Variants in MACROD1 observed in about 807,000 individuals in gnomAD.
MACROD1 encodes mono-ADP ribosylhydrolase 1.
A neutral mutation model predicts 41.4 loss-of-function variants in MACROD1; 31 were observed. That is an observed-to-expected ratio of 0.75 (90% CI 0.56 to 1.01). The LOEUF is 1.01. Among genes scored for constraint, MACROD1 ranks in the 50% least tolerant of loss-of-function variants. MACROD1 has a pLI of 0.00. For synonymous variants in MACROD1, 252 were observed against 203.4 expected (o/e 1.24, Z -2.03); for missense variants, 473 against 460.0 (o/e 1.03, Z -0.26).
chr11:64,116,798 A>C, intron 3 of MACROD1: 1 of 1,613,448 alleles, frequency 6.2e-7, no homozygotes, highest in Non-Finnish European at 8.5e-7. Context: ...CCGACAGCAA[A>C]CAGCTCAAGC....
At chr11:64,021,273 C>T (rs994240295) in intron 3 of MACROD1, among the ~76,000 whole-genome samples, 2 of 152,210 alleles carry the variant, frequency 1.3e-5, no homozygotes, top group African/African-American at 2.4e-5. Flanking sequence ...GGAGGCAGGA[C>T]CTGGGCCGGG....
chr11:64,023,733 G>A (rs997189442), intron 3 of MACROD1, among the ~76,000 whole-genome samples: 2 of 152,048 alleles, frequency 1.3e-5, no homozygotes, highest in African/African-American at 4.8e-5. Flanking sequence ...GTACCTCAGA[G>A]CGGCCTCCTT....
At chr11:64,116,230 C>A in intron 3 of MACROD1, 3 of 1,569,310 alleles carry the variant, frequency 1.9e-6, no homozygotes, top group Non-Finnish European at 2.6e-6. Context: ...TATTCAGGCT[C>A]CAGGCCAGGT....
intron 3 of MACROD1, among the ~76,000 whole-genome samples, chr11:64,107,344 C>A (rs1002766686): frequency 6.6e-6 from 1 of 152,108 alleles, no homozygotes; most frequent in Non-Finnish European, 1.5e-5. Context: ...TTCATCCCCC[C>A]ACCCCCTCCT....
At chr11:64,084,507 G>A (rs191530923) in intron 3 of MACROD1, among the ~76,000 whole-genome samples, 26 of 152,334 alleles carry the variant, frequency 1.7e-4, no homozygotes, top group Middle Eastern at 3.4e-3. Context: ...TTGGGGTCAC[G>A]GGGCCTGGGC....
chr11:64,163,230 G>A (rs1436143667), intron 1 of MACROD1, among the ~76,000 whole-genome samples: 3 of 152,078 alleles, frequency 2.0e-5, no homozygotes, highest in Non-Finnish European at 2.9e-5. Context: ...ACTTGAACCC[G>A]GGAAGCAGAG....
intron 3 of MACROD1, among the ~76,000 whole-genome samples, chr11:64,052,252 G>A (rs1401488150): frequency 6.6e-6 from 1 of 152,064 alleles, no homozygotes. Flanking sequence ...CATTGTCGGG[G>A]TGGGGGAAAA....
intron 3 of MACROD1, among the ~76,000 whole-genome samples, chr11:64,023,559 C>T (rs1943187259): frequency 1.3e-5 from 2 of 152,244 alleles, no homozygotes; most frequent in South Asian, 4.1e-4. Context: ...AGGATTTGAA[C>T]CCCGCTGCTC....
At chr11:64,099,724 A>G (rs1345325840) in intron 3 of MACROD1, among the ~76,000 whole-genome samples, 1 of 150,428 alleles carries the variant, frequency 6.6e-6, no homozygotes, top group Non-Finnish European at 1.5e-5. Context: ...AGATAGATGG[A>G]AGGATGGATG....
Position 64,002,227 on chromosome 11 carries a change from C to A in MACROD1, c.548-1884G>T, listed in dbSNP as rs546083454. On this transcript the variant is annotated intron_variant, in intron 4 of 10. Transcript: ENST00000255681. ...AGCCTCCCGGGTCGAGCACCTGGCA[C>A]CGGCTGCTCGAAGTCTCTGGGGGCT... Among the ~76,000 whole-genome samples the A allele has an allele frequency of 7.2e-5, 11 of 152,330 alleles. No individual in the cohort carries two copies. In the South Asian group the frequency reaches 2.3e-3, roughly 32 times the overall value.
chr11:64,044,877 G>A (rs1389768459), intron 3 of MACROD1, among the ~76,000 whole-genome samples: 1 of 152,174 alleles, frequency 6.6e-6, no homozygotes, highest in Non-Finnish European at 1.5e-5. Context: ...TTCTGCCTTC[G>A]TTTCCTGAGG....
chr11:64,023,447 C>T (rs1943183640), intron 3 of MACROD1, among the ~76,000 whole-genome samples: 1 of 152,126 alleles, frequency 6.6e-6, no homozygotes, highest in African/African-American at 2.4e-5. Context: ...GCCCGTAAAA[C>T]CTACAGCCTC....
intron 3 of MACROD1, among the ~76,000 whole-genome samples, chr11:64,043,154 A>G (rs1031350173): frequency 1.2e-4 from 19 of 152,126 alleles, no homozygotes; most frequent in Non-Finnish European, 2.9e-5. Flanking sequence ...ACGTGCTGAC[A>G]TCCCAGGGTT....
chr11:64,070,610 AGAG>A (rs1040990258), intron 3 of MACROD1, among the ~76,000 whole-genome samples: 1 of 152,150 alleles, frequency 6.6e-6, no homozygotes, highest in Admixed American at 6.5e-5. Flanking sequence ...CCCCCTTCCC[AGAG>A]GAGGAGAAAG....
At chr11:64,019,641 TG>T (rs1224559983) in intron 3 of MACROD1, among the ~76,000 whole-genome samples, 3 of 152,162 alleles carry the variant, frequency 2.0e-5, no homozygotes, top group Non-Finnish European at 4.4e-5. Context: ...CAGTGCCAGT[TG>T]GGTGCCAGGG....
intron 3 of MACROD1, chr11:64,117,715 C>T: frequency 1.2e-6 from 2 of 1,613,670 alleles, no homozygotes; most frequent in Non-Finnish European, 8.5e-7. Flanking sequence ...ATCACGGAGA[C>T]CTTGGTGCAG....
intron 3 of MACROD1, chr11:64,116,168 G>A: frequency 1.3e-6 from 2 of 1,496,210 alleles, no homozygotes; most frequent in Non-Finnish European, 1.8e-6. Context: ...TCACTCCTGG[G>A]GTCGCTGTCG....
intron 3 of MACROD1, among the ~76,000 whole-genome samples, chr11:64,093,105 G>A (rs927751162): frequency 2.6e-5 from 4 of 152,194 alleles, no homozygotes; most frequent in Non-Finnish European, 5.9e-5. Context: ...CCCTGGGCAG[G>A]CTCCTGAATA....
chr11:64,034,734 C>T (rs967896853), intron 3 of MACROD1, among the ~76,000 whole-genome samples: 1 of 152,194 alleles, frequency 6.6e-6, no homozygotes, highest in Non-Finnish European at 1.5e-5. Flanking sequence ...CAGCAAAGAG[C>T]AGGGCCGGCA....
Sources: allele counts gnomAD v4.1 joint callset (sites outside exome capture counted in the v4.1 genomes callset), GRCh38; gene constraint gnomAD v4.1.1; transcripts MANE v1.5; gene names NCBI Gene and HGNC (gene_info 2026-07-23, HGNC 2026-07-21).